The following WWOX variants were observed in gnomAD, a reference collection of about 807,000 sequenced individuals.
WWOX encodes WW domain-containing oxidoreductase.
WWOX carries 69 observed loss-of-function variants against 46.2 expected under a neutral mutation model. The ratio of observed to expected loss-of-function variants is 1.49; its 90% CI spans 1.23 to 1.82. The LOEUF is 1.82. Among genes scored for constraint, WWOX ranks in the 40% most tolerant of loss-of-function variants. The pLI is 0.00. For synonymous variants in WWOX, 359 were observed against 202.6 expected (o/e 1.77, Z -6.56); for missense variants, 919 against 542.6 (o/e 1.69, Z -6.89).
At chr16:79,071,480 T>C (rs1486624882) in intron 8 of WWOX, among the ~76,000 whole-genome samples, 1 of 152,224 alleles carries the variant, frequency 6.6e-6, no homozygotes, top group Non-Finnish European at 1.5e-5. Flanking sequence ...CAAGTTTCAT[T>C]TTGTTTTCTC....
intron 8 of WWOX, among the ~76,000 whole-genome samples, chr16:78,482,183 A>G (rs957871970): frequency 1.3e-5 from 2 of 152,164 alleles, no homozygotes; most frequent in African/African-American, 4.8e-5. Flanking sequence ...TTAGTGAAGC[A>G]GAGGTTGAAG....
At chr16:78,605,935 G>A (rs78527436) in intron 8 of WWOX, among the ~76,000 whole-genome samples, 8 of 152,138 alleles carry the variant, frequency 5.3e-5, no homozygotes, top group Admixed American at 1.3e-4. Flanking sequence ...TGAAACATGC[G>A]CATTTGTAAT....
At chr16:79,139,508 T>G (rs1194220389) in intron 8 of WWOX, among the ~76,000 whole-genome samples, 1 of 152,224 alleles carries the variant, frequency 6.6e-6, no homozygotes, top group African/African-American at 2.4e-5. Flanking sequence ...TTGTCCATCA[T>G]TTTTACTGAT....
At chr16:78,577,981 A>C (rs1019841089) in intron 8 of WWOX, among the ~76,000 whole-genome samples, 1 of 152,024 alleles carries the variant, frequency 6.6e-6, no homozygotes, top group Non-Finnish European at 1.5e-5. Context: ...TTTCACAAGA[A>C]CATTTGTCAC....
At chr16:78,368,792 C>T (rs1190976902) in intron 5 of WWOX, among the ~76,000 whole-genome samples, 1 of 152,150 alleles carries the variant, frequency 6.6e-6, no homozygotes, top group African/African-American at 2.4e-5. Flanking sequence ...TCATTTGTCC[C>T]ATTGGGCCAT....
intron 8 of WWOX, among the ~76,000 whole-genome samples, chr16:79,034,720 A>C (rs1120115): frequency 0.14 from 20,848 of 151,838 alleles, 1,560 homozygotes; most frequent in East Asian, 0.24. Context: ...AAACAAAAAT[A>C]CTTCTCTGAT....
intron 8 of WWOX, among the ~76,000 whole-genome samples, chr16:78,810,583 C>G (rs915212149): frequency 6.6e-6 from 1 of 152,162 alleles, no homozygotes; most frequent in Admixed American, 6.5e-5. Context: ...ACCATGATTG[C>G]CTTGACAAAT....
At position 78,882,451 on chromosome 16, in the gene WWOX, A is replaced by G. The variant is rs543528844; in HGVS notation, c.1057-329157A>G. Among the ~76,000 whole-genome samples, 10 of 151,488 alleles carry G rather than the reference A, an allele frequency of 6.6e-5. No individual in the cohort carries two copies. The East Asian group carries it at 1.9e-3, about 30-fold the overall frequency. ...TCCTAAGCTCCACTACAGCTGGAGA[A>G]GGTTCTGTTAACACACCATACATCT... On this transcript the variant is annotated intron_variant, in intron 8 of 8. Transcript: ENST00000566780.
intron 8 of WWOX, among the ~76,000 whole-genome samples, chr16:78,780,165 C>A (rs2050288544): frequency 6.6e-6 from 1 of 152,144 alleles, no homozygotes; most frequent in Non-Finnish European, 1.5e-5. Flanking sequence ...ACCTGCATCC[C>A]CTCCTCTCCA....
chr16:78,695,933 C>T (rs537030125), intron 8 of WWOX, among the ~76,000 whole-genome samples: 2 of 152,286 alleles, frequency 1.3e-5, no homozygotes, highest in South Asian at 4.1e-4. Flanking sequence ...GCAGCATCAC[C>T]ATCACCTGGA....
intron 8 of WWOX, among the ~76,000 whole-genome samples, chr16:79,093,445 A>T (rs1329991488): frequency 6.6e-6 from 1 of 152,208 alleles, no homozygotes; most frequent in African/African-American, 2.4e-5. Context: ...TTTGATTTAG[A>T]TAGAGCTTTT....
intron 5 of WWOX, among the ~76,000 whole-genome samples, chr16:78,170,196 C>T (rs72804986): frequency 0.012 from 1,797 of 152,234 alleles, 15 homozygotes; most frequent in Non-Finnish European, 0.018. Flanking sequence ...AGTTCATAAC[C>T]ACGGCTATAA....
intron 8 of WWOX, among the ~76,000 whole-genome samples, chr16:79,190,787 T>G (rs2051120199): frequency 6.6e-6 from 1 of 152,250 alleles, no homozygotes; most frequent in South Asian, 2.1e-4. Flanking sequence ...TGTCTATGGC[T>G]GCTTTTGCAC....
rs1299340608 is a variant in WWOX, at chr16:79,115,846, C to T, written c.1057-95762C>T. 4.6e-5 allele frequency among the ~76,000 whole-genome samples: 7 copies of T among 152,274 alleles called. No homozygotes were observed. The South Asian group carries it at 6.2e-4, about 14-fold the overall frequency. ...ATACACCAGCTTTCGCCACCCAATT[C>T]GGATGTGTTAGAATGAAGAGTCTCT... On this transcript the variant is annotated intron_variant, in intron 8 of 8. Transcript: ENST00000566780.
chr16:78,835,305 A>G (rs1182648953), intron 8 of WWOX, among the ~76,000 whole-genome samples: 2 of 152,206 alleles, frequency 1.3e-5, no homozygotes, highest in African/African-American at 4.8e-5. Context: ...CCCTTTAACT[A>G]CACCATTCAA....
At chr16:78,309,361 A>G (rs1409517617) in intron 5 of WWOX, among the ~76,000 whole-genome samples, 4 of 152,188 alleles carry the variant, frequency 2.6e-5, no homozygotes, top group African/African-American at 9.6e-5. Flanking sequence ...CTCCCCAGCC[A>G]TGCTGAACTG....
At chr16:78,752,025 A>T (rs576649787) in intron 8 of WWOX, among the ~76,000 whole-genome samples, 33 of 152,290 alleles carry the variant, frequency 2.2e-4, no homozygotes, top group African/African-American at 7.9e-4. Flanking sequence ...GAGGATGAGG[A>T]GAGAGACGAC....
chr16:78,467,528 T>C (rs925451065), intron 8 of WWOX, among the ~76,000 whole-genome samples: 2 of 152,238 alleles, frequency 1.3e-5, no homozygotes, highest in Non-Finnish European at 2.9e-5. Flanking sequence ...AAAGACTTTT[T>C]AGTTTAAACT....
At chr16:78,438,568 T>C (rs544052957) in intron 8 of WWOX, among the ~76,000 whole-genome samples, 20 of 152,286 alleles carry the variant, frequency 1.3e-4, no homozygotes, top group African/African-American at 4.8e-4. Flanking sequence ...AGTTGAGCAC[T>C]GTCACTTGCC....
Sources: allele counts gnomAD v4.1 joint callset (sites outside exome capture counted in the v4.1 genomes callset), GRCh38; gene constraint gnomAD v4.1.1; transcripts MANE v1.5; gene names NCBI Gene and HGNC (gene_info 2026-07-23, HGNC 2026-07-21).